The following EXOC4 variants were observed in gnomAD, a reference collection of about 807,000 sequenced individuals.
The protein encoded by EXOC4 is SEC8-like 1.
In EXOC4, 71 loss-of-function variants were observed where a neutral mutation model predicts 107.2. The observed-to-expected ratio is 0.66, with a 90% CI of 0.55 to 0.81. The LOEUF is 0.81. EXOC4 is among the 30% of genes least tolerant of loss of function. The pLI is 0.00. For missense variants in EXOC4, 1,108 were observed against 1,189.6 expected, an observed-to-expected ratio of 0.93 and a Z score of 1.01; for synonymous variants, 456 against 441.2, an observed-to-expected ratio of 1.03 and a Z score of -0.42.
intron 11 of EXOC4, among the ~76,000 whole-genome samples, chr7:133,879,443 C>T (rs1452967452): frequency 6.6e-6 from 1 of 152,086 alleles, no homozygotes; most frequent in Non-Finnish European, 1.5e-5. Context: ...TGGTATTCTT[C>T]CTTAAAATAG....
At chr7:134,062,388 T>C (rs922612929) in intron 17 of EXOC4, among the ~76,000 whole-genome samples, 1 of 152,184 alleles carries the variant, frequency 6.6e-6, no homozygotes, top group Non-Finnish European at 1.5e-5. Flanking sequence ...CCTGAAATTA[T>C]GGAGCTCCTA....
intron 17 of EXOC4, among the ~76,000 whole-genome samples, chr7:134,051,011 T>C (rs1285106043): frequency 1.3e-5 from 2 of 152,150 alleles, no homozygotes; most frequent in Admixed American, 6.6e-5. Context: ...GTTGCATTGA[T>C]AGACCTGGTG....
intron 9 of EXOC4, among the ~76,000 whole-genome samples, chr7:133,540,834 C>T (rs1040635835): frequency 2.0e-5 from 3 of 152,140 alleles, no homozygotes; most frequent in Non-Finnish European, 2.9e-5. Flanking sequence ...TATTAATTCT[C>T]TATTTACTGC....
rs142233871 is a variant in EXOC4, at chr7:133,316,816, C to T, written c.657-468C>T. ...AAGAAAACTGAATGTAGTAAACTTC[C>T]GGCATATGTCAAAAACTATAGCCTG... On this transcript the variant is annotated intron_variant, in intron 4 of 17. Coordinates refer to ENST00000253861, the MANE Select transcript of EXOC4 (RefSeq NM_021807.4). 7.4e-4 allele frequency among the ~76,000 whole-genome samples: 112 copies of T among 152,124 alleles called. 2 individuals are homozygous for T. In the East Asian group the frequency reaches 0.018, roughly 24 times the overall value.
intron 10 of EXOC4, among the ~76,000 whole-genome samples, chr7:133,717,400 C>G (rs1795020309): frequency 6.6e-6 from 1 of 152,182 alleles, no homozygotes; most frequent in Non-Finnish European, 1.5e-5. Flanking sequence ...TCCATTAGAG[C>G]ACTACTAGAA....
chr7:133,606,996 A>T (rs1164429274), intron 9 of EXOC4, among the ~76,000 whole-genome samples: 1 of 152,044 alleles, frequency 6.6e-6, no homozygotes, highest in Non-Finnish European at 1.5e-5. Context: ...CTAGCTGTAG[A>T]TCCTTTTTCT....
chr7:133,268,482 A>G (rs1481481204), intron 1 of EXOC4, among the ~76,000 whole-genome samples: 1 of 152,182 alleles, frequency 6.6e-6, no homozygotes, highest in African/African-American at 2.4e-5. Context: ...GTCTTTAAGA[A>G]CAATACTGAC....
chr7:133,503,029 G>C (rs750048845), intron 9 of EXOC4, among the ~76,000 whole-genome samples: 50 of 152,102 alleles, frequency 3.3e-4, no homozygotes, highest in Non-Finnish European at 6.2e-4. Context: ...TGTAAGACTA[G>C]TACAATCTAA....
intron 7 of EXOC4, among the ~76,000 whole-genome samples, chr7:133,433,169 A>G (rs767854781): frequency 1.3e-5 from 2 of 152,186 alleles, no homozygotes; most frequent in Non-Finnish European, 2.9e-5. Context: ...TGGTAAACAA[A>G]TAACCTCTAG....
chr7:133,421,127 C>A (rs893633181), intron 7 of EXOC4, among the ~76,000 whole-genome samples: 3 of 152,002 alleles, frequency 2.0e-5, no homozygotes, highest in Non-Finnish European at 4.4e-5. Context: ...TGTCATTCTT[C>A]TCTTACAGGG....
chr7:133,471,101 T>C (rs964948550), intron 7 of EXOC4, among the ~76,000 whole-genome samples: 4 of 152,164 alleles, frequency 2.6e-5, no homozygotes, highest in Non-Finnish European at 5.9e-5. Context: ...ATAAAGGCTT[T>C]TTTGTTCTTT....
intron 10 of EXOC4, among the ~76,000 whole-genome samples, chr7:133,803,971 A>G (rs1438918741): frequency 6.6e-6 from 1 of 152,144 alleles, no homozygotes; most frequent in African/African-American, 2.4e-5. Flanking sequence ...CTGTTAGTTC[A>G]CTTTTGATGT....
intron 7 of EXOC4, among the ~76,000 whole-genome samples, chr7:133,375,912 A>G (rs529624797): frequency 6.6e-6 from 1 of 152,340 alleles, no homozygotes; most frequent in African/African-American, 2.4e-5. Context: ...GAAATTAGAA[A>G]TATAATTAAG....
intron 10 of EXOC4, among the ~76,000 whole-genome samples, chr7:133,749,118 G>A (rs1470051873): frequency 3.3e-5 from 5 of 152,104 alleles, no homozygotes; most frequent in African/African-American, 1.2e-4. Flanking sequence ...GCTTGCATTC[G>A]TACATATAAC....
At chr7:133,281,027 G>A (rs1157218331) in intron 2 of EXOC4, among the ~76,000 whole-genome samples, 1 of 152,138 alleles carries the variant, frequency 6.6e-6, no homozygotes, top group African/African-American at 2.4e-5. Context: ...TCAGGTGTGT[G>A]TGTATTTGTG....
intron 10 of EXOC4, among the ~76,000 whole-genome samples, chr7:133,633,928 G>A (rs1210193694): frequency 1.3e-5 from 2 of 151,946 alleles, no homozygotes; most frequent in African/African-American, 2.4e-5. Flanking sequence ...CTGGTACTCT[G>A]TCTTCCTGAA....
At chr7:133,256,483 A>G (rs1177936072) in intron 1 of EXOC4, among the ~76,000 whole-genome samples, 1 of 152,182 alleles carries the variant, frequency 6.6e-6, no homozygotes, top group Non-Finnish European at 1.5e-5. Context: ...AGCTCCTTTC[A>G]TGTTTCCATG....
chr7:133,685,379 A>G (rs1794274990), intron 10 of EXOC4, among the ~76,000 whole-genome samples: 2 of 152,118 alleles, frequency 1.3e-5, no homozygotes, highest in Non-Finnish European at 2.9e-5. Flanking sequence ...TGCCTTGTGA[A>G]GAAGGTGCCT....
At chr7:134,013,296 A>G (rs1376514689) in intron 17 of EXOC4, among the ~76,000 whole-genome samples, 5 of 152,162 alleles carry the variant, frequency 3.3e-5, no homozygotes, top group African/African-American at 1.2e-4. Context: ...TATTACCTCA[A>G]TCTAATCATG....
Sources: gnomAD v4.1 joint callset for allele counts (sites outside exome capture counted in the v4.1 genomes callset) on GRCh38, gnomAD v4.1.1 for gene constraint, MANE v1.5 for transcripts, NCBI Gene and HGNC (gene_info 2026-07-23, HGNC 2026-07-21) for gene names.